ESR1: variants seen among roughly 807,000 people sequenced by gnomAD.
ESR1 encodes the protein estrogen receptor 1, also known as estrogen receptor.
ESR1 carries 12 observed loss-of-function variants against 52.7 expected under a neutral mutation model. That is an observed-to-expected ratio of 0.23 (90% confidence interval 0.15 to 0.37). The LOEUF is 0.37. ESR1 is among the 10% of genes least tolerant of loss of function. The pLI is 1.00. For missense variants in ESR1, 584 were observed against 779.7 expected (o/e 0.75, Z 2.99); for synonymous variants, 305 against 316.8 (o/e 0.96, Z 0.39).
intron 2 of ESR1, among the ~76,000 whole-genome samples, chr6:151,846,260 G>A (rs1785100373): frequency 2.0e-5 from 3 of 152,162 alleles, no homozygotes; most frequent in Admixed American, 2.0e-4. Context: ...TCTGGGCCAT[G>A]GATTTAATCC....
At chr6:151,687,019 C>T (rs914204968), upstream of ESR1, among the ~76,000 whole-genome samples, 8 of 152,198 alleles carry the variant, frequency 5.3e-5, no homozygotes, top group African/African-American at 1.9e-4. Context: ...TTACTTTGGC[C>T]TCCATGCCAC....
In ESR1 at chr6:151,930,728, G is replaced by A. The variant is rs368294081; in HGVS notation, c.761-13445G>A. ...TATTCTGCAGGGCAAGTCAGCTGGT[G>A]ATGAATTCTCTGAATTTTTGTCTGA... On this transcript the variant is annotated intron_variant, in intron 3 of 7. Transcript: ENST00000206249. 5.9e-5 allele frequency among the ~76,000 whole-genome samples: 9 copies of A among 152,154 alleles called. No individual in the cohort carries two copies. In the East Asian group the frequency reaches 1.7e-3, roughly 29 times the overall value.
chr6:152,115,055 C>G (rs2051194330), intron 6 of ESR1, among the ~76,000 whole-genome samples: 1 of 152,076 alleles, frequency 6.6e-6, no homozygotes, highest in African/African-American at 2.4e-5. Flanking sequence ...GTTTAAAGTG[C>G]TTTCCCCACT....
chr6:151,666,196 A>G (rs1777816018), intron 1 of ESR1, among the ~76,000 whole-genome samples: 1 of 152,196 alleles, frequency 6.6e-6, no homozygotes. Flanking sequence ...GTTTGGAGAT[A>G]TTTTAAAAAA....
intron 6 of ESR1, among the ~76,000 whole-genome samples, chr6:152,119,443 T>G (rs188845312): frequency 6.6e-6 from 1 of 152,240 alleles, no homozygotes; most frequent in Non-Finnish European, 1.5e-5. Context: ...TTTTAGATTC[T>G]AATGCCTTAT....
intron 2 of ESR1, among the ~76,000 whole-genome samples, chr6:151,782,082 T>C (rs1321023021): frequency 6.6e-6 from 1 of 152,230 alleles, no homozygotes; most frequent in Non-Finnish European, 1.5e-5. Flanking sequence ...AGTTGGGATC[T>C]TGGATTGTTG....
At position 151,685,107 on chromosome 6, in the gene ESR1, C is replaced by CTT. The variant is rs772122906; in HGVS notation, n.74-16732_74-16731dup. 1.2e-3 allele frequency among the ~76,000 whole-genome samples: 85 copies of CTT among 72,946 alleles called. 19 individuals are homozygous for CTT. The highest frequency in any genetic ancestry group is 1.9e-3 in the Non-Finnish European group (74 of 39,728). The allele number at this position is 72,946 out of a possible 152,430, so 47.9% of individuals were successfully genotyped here. A position where few individuals can be genotyped will look rare whatever the true frequency, so the allele number is the denominator to read the frequency against. ...TATCATTTTTGTCTGACACTGGCCT[C>CTT]TTTTTTTTTTTTTTTTTTTTTTTTT... On this transcript the variant is annotated intron_variant and non_coding_transcript_variant, in intron 1 of 2. Coordinates refer to the ESR1 transcript ENST00000473497.
chr6:151,704,388 G>A (rs996810355), intron 2 of ESR1, among the ~76,000 whole-genome samples: 6 of 152,026 alleles, frequency 3.9e-5, no homozygotes, highest in Non-Finnish European at 7.4e-5. Flanking sequence ...ACAGGTGCCC[G>A]CCACCACACC....
At chr6:151,816,242 T>C (rs73780868) in intron 1 of ESR1, among the ~76,000 whole-genome samples, 5,281 of 152,292 alleles carry the variant, frequency 0.035, 162 homozygotes, top group African/African-American at 0.084. Context: ...GTGTTTGAGG[T>C]GACTTTATAG....
chr6:151,796,097 C>T (rs1776676237), intron 2 of ESR1, among the ~76,000 whole-genome samples: 1 of 149,540 alleles, frequency 6.7e-6, no homozygotes, highest in South Asian at 2.1e-4. Context: ...ACCCAGGAGG[C>T]GGAGCTTGCA....
At chr6:152,110,401 T>C (rs2051117493) in intron 6 of ESR1, among the ~76,000 whole-genome samples, 1 of 152,164 alleles carries the variant, frequency 6.6e-6, no homozygotes, top group African/African-American at 2.4e-5. Context: ...CTGGAGGCCA[T>C]TATCCTTAGC....
chr6:152,117,066 A>T (rs1195658135), intron 6 of ESR1, among the ~76,000 whole-genome samples: 1 of 152,182 alleles, frequency 6.6e-6, no homozygotes, highest in Non-Finnish European at 1.5e-5. Flanking sequence ...GTGCATTCTT[A>T]ACAGGTTTCC....
intron 5 of ESR1, among the ~76,000 whole-genome samples, chr6:152,032,466 C>G (rs1266828404): frequency 1.3e-5 from 2 of 152,084 alleles, no homozygotes; most frequent in African/African-American, 2.4e-5. Context: ...AATCAATGTG[C>G]AAAAATCACA....
At chr6:152,046,227 G>T (rs1272730850) in intron 5 of ESR1, among the ~76,000 whole-genome samples, 1 of 152,176 alleles carries the variant, frequency 6.6e-6, no homozygotes, top group Non-Finnish European at 1.5e-5. Context: ...GTTTGCATAT[G>T]AGGAAATGGA....
intron 2 of ESR1, among the ~76,000 whole-genome samples, chr6:151,859,237 T>C (rs1262527326): frequency 2.0e-5 from 3 of 152,242 alleles, no homozygotes; most frequent in Non-Finnish European, 4.4e-5. Context: ...ATTTGTAACA[T>C]GTAGCTAATA....
intron 1 of ESR1, among the ~76,000 whole-genome samples, chr6:151,701,529 CAAAAAAAAAAAAAAAA>C: frequency 1.1e-5 from 1 of 89,422 alleles, no homozygotes; most frequent in African/African-American, 4.7e-5. Flanking sequence ...CACTACATCT[CAAAAAAAAAAAAAAAA>C]AAAAAAAGAA....
intron 7 of ESR1, chr6:152,096,728 A>G (rs1180669488): frequency 2.2e-6 from 1 of 455,734 alleles, no homozygotes; most frequent in African/African-American, 2.0e-5. Flanking sequence ...GACTGCATTC[A>G]GAGTATACAT....
At chr6:151,667,150 T>C (rs140057327) in intron 1 of ESR1, among the ~76,000 whole-genome samples, 153 of 152,334 alleles carry the variant, frequency 1.0e-3, no homozygotes, top group African/African-American at 3.5e-3. Context: ...TTGGGTTGAA[T>C]GGTCTTTACT....
At chr6:151,929,193 A>G (rs1450717723) in intron 3 of ESR1, among the ~76,000 whole-genome samples, 1 of 152,034 alleles carries the variant, frequency 6.6e-6, no homozygotes, top group Non-Finnish European at 1.5e-5. Flanking sequence ...GGGCTTGTCT[A>G]TTTCCCCTTT....
Sources: allele counts gnomAD v4.1 joint callset (sites outside exome capture counted in the v4.1 genomes callset), GRCh38; gene constraint gnomAD v4.1.1; transcripts MANE v1.5; gene names NCBI Gene and HGNC (gene_info 2026-07-23, HGNC 2026-07-21).